The following HTR1F variants were observed in gnomAD, a reference collection of about 807,000 sequenced individuals.
HTR1F encodes the protein 5-hydroxytryptamine (serotonin) receptor 1F, G protein-coupled.
HTR1F carries 17 observed loss-of-function variants against 24.0 expected under a neutral mutation model. That is an observed-to-expected ratio of 0.71 (90% CI 0.48 to 1.06). HTR1F has a LOEUF of 1.06. HTR1F is among the 50% of genes least tolerant of loss of function. HTR1F has a pLI of 0.00. For synonymous variants in HTR1F, 186 were observed against 156.8 expected, an observed-to-expected ratio of 1.19 and a Z score of -1.39; for missense variants, 391 against 427.8, an observed-to-expected ratio of 0.91 and a Z score of 0.76.
intron 2 of HTR1F, among the ~76,000 whole-genome samples, chr3:87,825,080 A>G (rs1198284940): frequency 1.3e-5 from 2 of 152,240 alleles, no homozygotes. Flanking sequence ...ACATAAAAAT[A>G]TGTCATAGCA....
At position 87,991,913 on chromosome 3, in the gene HTR1F, C is replaced by A; in HGVS notation, c.*63C>A. Reference sequence around the variant, plus strand: ...GAGGGGAGGAATAACTAGATGAATGCCAAATAATAAAACACTTAAGCTTTT... The same window carrying A: ...GAGGGGAGGAATAACTAGATGAATGACAAATAATAAAACACTTAAGCTTTT... On this transcript the variant is annotated 3_prime_UTR_variant, in exon 3 of 3. Transcript: ENST00000319595. The A allele has an allele frequency of 4.4e-6, 6 of 1,355,416 alleles. No individual in the cohort carries two copies. The South Asian group carries it at 6.2e-5, about 14-fold the overall frequency. The allele number at this position is 1,355,416 out of a possible 1,614,324, so 84.0% of individuals were successfully genotyped here.
At chr3:87,871,218 A>G (rs1360743747) in intron 2 of HTR1F, among the ~76,000 whole-genome samples, 1 of 152,050 alleles carries the variant, frequency 6.6e-6, no homozygotes, top group African/African-American at 2.4e-5. Context: ...AGAAACTATT[A>G]AAAAGAACCA....
At chr3:87,950,644 A>T (rs1704813566) in intron 2 of HTR1F, among the ~76,000 whole-genome samples, 1 of 152,160 alleles carries the variant, frequency 6.6e-6, no homozygotes, top group African/African-American at 2.4e-5. Context: ...TATAATCTGG[A>T]ATAATACATG....
intron 2 of HTR1F, among the ~76,000 whole-genome samples, chr3:87,952,718 A>G (rs1223041393): frequency 6.6e-6 from 1 of 151,994 alleles, no homozygotes; most frequent in Admixed American, 6.6e-5. Context: ...GTCACCAGGA[A>G]CTTTTTTAAA....
At chr3:87,906,374 A>G (rs569479005) in intron 2 of HTR1F, among the ~76,000 whole-genome samples, 1 of 152,210 alleles carries the variant, frequency 6.6e-6, no homozygotes, top group Non-Finnish European at 1.5e-5. Context: ...TATTTTGATA[A>G]ATATTTCTGT....
chr3:87,887,052 A>G (rs1304170494), intron 2 of HTR1F, among the ~76,000 whole-genome samples: 1 of 152,216 alleles, frequency 6.6e-6, no homozygotes, highest in Non-Finnish European at 1.5e-5. Context: ...AGCTGGAGGC[A>G]TCACACTACC....
chr3:87,939,340 T>A (rs1467197214), intron 2 of HTR1F, among the ~76,000 whole-genome samples: 1 of 152,208 alleles, frequency 6.6e-6, no homozygotes, highest in African/African-American at 2.4e-5. Context: ...TTTTCTGTTT[T>A]TTGTTGTGTC....
intron 2 of HTR1F, among the ~76,000 whole-genome samples, chr3:87,887,892 C>A (rs1019821109): frequency 4.9e-5 from 7 of 141,546 alleles, no homozygotes; most frequent in Non-Finnish European, 1.1e-4. Context: ...TAGTTCAACC[C>A]TTGTGGAAGT....
At chr3:87,794,311 C>G (rs377153262) in intron 1 of HTR1F, among the ~76,000 whole-genome samples, 123 of 152,290 alleles carry the variant, frequency 8.1e-4, no homozygotes, top group African/African-American at 2.7e-3. Context: ...TTCGTGCCTT[C>G]CCTAAGGAAA....
chr3:87,892,047 C>G (rs558355273), intron 2 of HTR1F, among the ~76,000 whole-genome samples: 1 of 152,280 alleles, frequency 6.6e-6, no homozygotes, highest in South Asian at 2.1e-4. Context: ...GGGGAAAAAT[C>G]AAACTCACAT....
chr3:87,888,395 C>A (rs1706005793), intron 2 of HTR1F, among the ~76,000 whole-genome samples: 1 of 152,030 alleles, frequency 6.6e-6, no homozygotes, highest in South Asian at 2.1e-4. Flanking sequence ...TGCAGAAAAT[C>A]AACATGGCAC....
intron 2 of HTR1F, among the ~76,000 whole-genome samples, chr3:87,969,510 C>A (rs1234355914): frequency 6.6e-6 from 1 of 152,148 alleles, no homozygotes; most frequent in Non-Finnish European, 1.5e-5. Context: ...GGCCTGTAGT[C>A]CCTTTGTTTT....
At chr3:87,971,875 T>C (rs1705292969) in intron 2 of HTR1F, among the ~76,000 whole-genome samples, 1 of 152,230 alleles carries the variant, frequency 6.6e-6, no homozygotes, top group African/African-American at 2.4e-5. Context: ...CAATAATTTA[T>C]TTGCCTACTT....
At chr3:87,986,886 C>A (rs367921128) in intron 2 of HTR1F, among the ~76,000 whole-genome samples, 1 of 152,146 alleles carries the variant, frequency 6.6e-6, no homozygotes, top group East Asian at 1.9e-4. Flanking sequence ...GAGCAGATCA[C>A]CAGAGGCCAG....
intron 2 of HTR1F, among the ~76,000 whole-genome samples, chr3:87,943,835 T>C (rs1349578511): frequency 6.6e-6 from 1 of 152,172 alleles, no homozygotes. Flanking sequence ...CAGAAGAATA[T>C]AAATCATTTC....
At chr3:87,888,020 G>A (rs1705995231) in intron 2 of HTR1F, among the ~76,000 whole-genome samples, 1 of 152,134 alleles carries the variant, frequency 6.6e-6, no homozygotes, top group African/African-American at 2.4e-5. Flanking sequence ...ACGCACACAT[G>A]TATGTTTACT....
chr3:87,852,627 C>T (rs1705111731), intron 2 of HTR1F, among the ~76,000 whole-genome samples: 1 of 151,542 alleles, frequency 6.6e-6, no homozygotes, highest in Non-Finnish European at 1.5e-5. Context: ...GGTACATGTG[C>T]ACAACGTGCA....
chr3:87,829,010 T>A (rs769629792), intron 2 of HTR1F, among the ~76,000 whole-genome samples: 2 of 151,492 alleles, frequency 1.3e-5, no homozygotes, highest in African/African-American at 4.9e-5. Flanking sequence ...GGACAAGTAA[T>A]TTTTAAAAAT....
chr3:87,979,367 A>G (rs1331036149), intron 2 of HTR1F, among the ~76,000 whole-genome samples: 1 of 152,104 alleles, frequency 6.6e-6, no homozygotes, highest in African/African-American at 2.4e-5. Flanking sequence ...TGGGGGATTG[A>G]CAGTGTTCTC....
Sources: allele counts gnomAD v4.1 joint callset (sites outside exome capture counted in the v4.1 genomes callset), GRCh38; gene constraint gnomAD v4.1.1; transcripts MANE v1.5; gene names NCBI Gene and HGNC (gene_info 2026-07-23, HGNC 2026-07-21).